CEP112: variants seen among roughly 807,000 people sequenced by gnomAD.
The protein encoded by CEP112 is centrosomal protein of 112 kDa.
In CEP112, 127 loss-of-function variants were observed where a neutral mutation model predicts 153.0. The observed-to-expected ratio is 0.83, with a 90% CI of 0.72 to 0.96. CEP112 has a LOEUF of 0.96. CEP112 is among the 40% of genes least tolerant of loss of function. The pLI, the probability that CEP112 is intolerant of heterozygous loss-of-function variation, is 0.00. For synonymous variants in CEP112, 358 were observed against 374.4 expected (o/e 0.96, Z 0.51); for missense variants, 1,089 against 1,101.2 (o/e 0.99, Z 0.16).
intron 6 of CEP112, among the ~76,000 whole-genome samples, chr17:66,100,301 G>A (rs539522753): frequency 6.6e-6 from 1 of 151,918 alleles, no homozygotes; most frequent in African/African-American, 2.4e-5. Flanking sequence ...TCGGGAGGCT[G>A]AGGCAGGAGA....
At chr17:65,711,656 A>G (rs1404107362) in intron 23 of CEP112, among the ~76,000 whole-genome samples, 1 of 152,174 alleles carries the variant, frequency 6.6e-6, no homozygotes, top group Non-Finnish European at 1.5e-5. Flanking sequence ...ATTCATCAAG[A>G]TTTTATCAAA....
At chr17:65,916,253 G>A (rs1425722356) in intron 19 of CEP112, among the ~76,000 whole-genome samples, 1 of 112,982 alleles carries the variant, frequency 8.9e-6, no homozygotes, top group Non-Finnish European at 1.8e-5. Flanking sequence ...GAAAAAGAGT[G>A]TGTGTGTGTG....
At chr17:66,010,300 CATTG>C (rs2064462457) in intron 16 of CEP112, among the ~76,000 whole-genome samples, 1 of 152,084 alleles carries the variant, frequency 6.6e-6, no homozygotes, top group African/African-American at 2.4e-5. Context: ...GATTTTTGTA[CATTG>C]ATTTTGTATC....
intron 21 of CEP112, among the ~76,000 whole-genome samples, chr17:65,799,721 T>C (rs2055148219): frequency 1.3e-5 from 2 of 152,180 alleles, no homozygotes; most frequent in African/African-American, 4.8e-5. Context: ...GAAAGCCACA[T>C]TGACGCAAGT....
chr17:66,168,150 AT>A (rs397686387), intron 4 of CEP112, among the ~76,000 whole-genome samples: 2 of 151,800 alleles, frequency 1.3e-5, no homozygotes, highest in Non-Finnish European at 1.5e-5. Flanking sequence ...CCATAGACAC[AT>A]TTTTTTTACA....
chr17:65,979,139 A>G (rs919864224), intron 17 of CEP112, among the ~76,000 whole-genome samples: 4 of 152,196 alleles, frequency 2.6e-5, no homozygotes, highest in Non-Finnish European at 4.4e-5. Context: ...AGAAAAGAGA[A>G]CAGCTGCTCC....
intron 21 of CEP112, among the ~76,000 whole-genome samples, chr17:65,775,423 T>C (rs942070808): frequency 1.3e-5 from 2 of 152,264 alleles, no homozygotes; most frequent in African/African-American, 2.4e-5. Flanking sequence ...ATCACGGTTT[T>C]CCCCACTTTG....
intron 18 of CEP112, among the ~76,000 whole-genome samples, chr17:65,950,297 T>C (rs1360528020): frequency 1.3e-5 from 2 of 152,172 alleles, no homozygotes; most frequent in Non-Finnish European, 2.9e-5. Flanking sequence ...AGAAATTGCA[T>C]TGAATTTGTA....
At chr17:65,872,777 T>C (rs2058706200) in intron 20 of CEP112, among the ~76,000 whole-genome samples, 1 of 152,236 alleles carries the variant, frequency 6.6e-6, no homozygotes, top group Non-Finnish European at 1.5e-5. Context: ...AAACATCAAA[T>C]GTATTTTGAA....
At chr17:65,816,802 T>A (rs1037603021) in intron 21 of CEP112, among the ~76,000 whole-genome samples, 2 of 152,034 alleles carry the variant, frequency 1.3e-5, no homozygotes, top group African/African-American at 2.4e-5. Context: ...GATAAGTTCA[T>A]AAGGTGACTT....
chr17:66,109,668 G>A (rs1191385201), intron 6 of CEP112, among the ~76,000 whole-genome samples: 1 of 151,934 alleles, frequency 6.6e-6, no homozygotes, highest in African/African-American at 2.4e-5. Flanking sequence ...AATCCATTTT[G>A]GACAGTCTCG....
intron 21 of CEP112, among the ~76,000 whole-genome samples, chr17:65,782,855 G>A (rs1349696783): frequency 2.0e-5 from 3 of 151,876 alleles, no homozygotes; most frequent in African/African-American, 7.3e-5. Flanking sequence ...AAAACTAACT[G>A]TTCAGTACTA....
chr17:65,698,691 G>A (rs376180238), intron 23 of CEP112, among the ~76,000 whole-genome samples: 7 of 152,036 alleles, frequency 4.6e-5, no homozygotes, highest in East Asian at 1.9e-4. Flanking sequence ...GCTCTAAACA[G>A]CTTCACTTGT....
chr17:66,046,145 C>T (rs896166552), intron 12 of CEP112, among the ~76,000 whole-genome samples: 2 of 152,018 alleles, frequency 1.3e-5, no homozygotes, highest in Non-Finnish European at 2.9e-5. Context: ...TGGGTTCACG[C>T]CATCCTCCTG....
intron 21 of CEP112, among the ~76,000 whole-genome samples, chr17:65,801,482 G>A (rs955618043): frequency 1.4e-4 from 22 of 152,026 alleles, no homozygotes; most frequent in African/African-American, 3.9e-4. Context: ...AGAAATTATT[G>A]TCTTATCCAA....
At chr17:65,879,400 T>G (rs1467194061) in intron 20 of CEP112, among the ~76,000 whole-genome samples, 1 of 152,250 alleles carries the variant, frequency 6.6e-6, no homozygotes, top group African/African-American at 2.4e-5. Flanking sequence ...TCCAACAACT[T>G]CATTTTAGTT....
chr17:65,938,878 C>CTCG, intron 18 of CEP112, among the ~76,000 whole-genome samples: 1 of 152,008 alleles, frequency 6.6e-6, no homozygotes, highest in Non-Finnish European at 1.5e-5. Context: ...ATGGCAAGAT[C>CTCG]TCGGCTCACT....
chr17:65,989,923 C>T (rs2063537561), intron 17 of CEP112, among the ~76,000 whole-genome samples: 1 of 152,100 alleles, frequency 6.6e-6, no homozygotes, highest in Non-Finnish European at 1.5e-5. Flanking sequence ...TTTTCCTATA[C>T]TTTGAGATCT....
At chr17:66,085,431 T>C (rs1452448060) in intron 8 of CEP112, among the ~76,000 whole-genome samples, 1 of 152,316 alleles carries the variant, frequency 6.6e-6, no homozygotes, top group East Asian at 1.9e-4. Flanking sequence ...TGTGCCATCC[T>C]GTGACTGAGC....
Sources: allele counts gnomAD v4.1 joint callset (sites outside exome capture counted in the v4.1 genomes callset), GRCh38; gene constraint gnomAD v4.1.1; transcripts MANE v1.5; gene names NCBI Gene and HGNC (gene_info 2026-07-23, HGNC 2026-07-21).